Variants in ANK1 observed in about 807,000 individuals in gnomAD.
ANK1 encodes ankyrin 1.
A neutral mutation model predicts 210.4 loss-of-function variants in ANK1; 51 were observed. The ratio of observed to expected loss-of-function variants is 0.24; its 90% CI spans 0.19 to 0.31. The LOEUF (loss-of-function observed/expected upper bound fraction) is 0.31, where lower values mean the gene tolerates loss of function less well. Among genes scored for constraint, ANK1 ranks in the 10% least tolerant of loss-of-function variants. ANK1 has a pLI of 1.00. For missense variants in ANK1, 2,051 were observed against 2,504.4 expected, an observed-to-expected ratio of 0.82 and a Z score of 3.86; for synonymous variants, 967 against 1,025.9, an observed-to-expected ratio of 0.94 and a Z score of 1.10.
chr8:41,723,597 C>G lies in ANK1; in HGVS notation c.748G>C (p.Gly250Arg), dbSNP rs1203474015. The part of the protein sequence containing the change: ...ITPLHIASRR[G>R]NVIMVRLLLD... ...AGCAGCCGCACCATGATCACGTTGC[C>G]CCTGCGGGAGGCGATGTGCAGTGGC... Residue 250 changes from glycine (G) to arginine (R), a missense_variant, in exon 8 of 43, where the codon GGC (glycine) becomes CGC (arginine). By Grantham distance (125) the Gly-to-Arg change is moderately radical. This residue lies in a region of ANK1 where 1,413 missense variants were observed against 1,707.4 expected (regional missense o/e 0.83). Coordinates refer to ENST00000289734, the MANE Select transcript of ANK1 (RefSeq NM_000037.4). 1 of 1,613,830 alleles carries G rather than the reference C, an allele frequency of 6.2e-7. No individual in the cohort carries two copies. Among genetic ancestry groups the G allele is most frequent in the Non-Finnish European group, 8.5e-7 (1 of 1,179,952 alleles).
intron 2 of ANK1, among the ~76,000 whole-genome samples, chr8:41,734,887 T>C (rs982647768): frequency 5.3e-5 from 8 of 152,000 alleles, no homozygotes; most frequent in African/African-American, 1.9e-4. Flanking sequence ...CCAGACCCTG[T>C]CTCAAAAATA....
intron 1 of ANK1, among the ~76,000 whole-genome samples, chr8:41,838,261 C>T (rs1453950819): frequency 2.0e-5 from 3 of 152,164 alleles, no homozygotes; most frequent in Non-Finnish European, 4.4e-5. Context: ...GATCACACAG[C>T]TGGTGTGAGG....
In ANK1 at chr8:41,842,349, T is replaced by C. The variant is rs150363114; in HGVS notation, c.126+54006A>G. On this transcript the variant is annotated intron_variant, in intron 1 of 42. Transcript: ENST00000265709. ...TCTACTAAAAATACAAAAAATTAGC[T>C]GGGCGTGGTGGTGGGCGCCTATAAT... Among the ~76,000 whole-genome samples, 673 of 152,048 alleles carry C rather than the reference T, an allele frequency of 4.4e-3. 3 individuals are homozygous for C. The highest frequency in any genetic ancestry group is 0.027 in the East Asian group (141 of 5,146).
At chr8:41,717,248 C>A (rs1827943842) in intron 12 of ANK1, among the ~76,000 whole-genome samples, 197 bp from the exon 13 acceptor site, 1 of 152,188 alleles carries the variant, frequency 6.6e-6, no homozygotes, top group South Asian at 2.1e-4. Context: ...TGTGTGTGCA[C>A]ATACGTGCAG....
chr8:41,786,002 G>A (rs1271170648), intron 1 of ANK1, among the ~76,000 whole-genome samples: 1 of 152,150 alleles, frequency 6.6e-6, no homozygotes, highest in African/African-American at 2.4e-5. Context: ...GCCCCTTACA[G>A]CCAACTTAAA....
chr8:41,878,383 G>A (rs893049560), intron 1 of ANK1, among the ~76,000 whole-genome samples: 1 of 152,196 alleles, frequency 6.6e-6, no homozygotes, highest in Non-Finnish European at 1.5e-5. Flanking sequence ...GGCAAAGGTG[G>A]AAGGAACAGG....
chr8:41,808,925 TG>T (rs1352664642), intron 1 of ANK1, among the ~76,000 whole-genome samples: 2 of 152,110 alleles, frequency 1.3e-5, no homozygotes, highest in East Asian at 3.8e-4. Flanking sequence ...AGAAAATGAG[TG>T]TTTCTCTGCA....
At chr8:41,675,246 G>A (rs575664708) in intron 37 of ANK1, among the ~76,000 whole-genome samples, 54 of 152,192 alleles carry the variant, frequency 3.5e-4, no homozygotes, top group African/African-American at 1.2e-3. Flanking sequence ...ACAGGTATGC[G>A]CCATGACGCC....
intron 1 of ANK1, among the ~76,000 whole-genome samples, chr8:41,876,085 G>A (rs571734762): frequency 6.6e-6 from 1 of 151,964 alleles, no homozygotes; most frequent in African/African-American, 2.4e-5. Flanking sequence ...CTCGCCTCAC[G>A]CCTCCTGCCC....
chr8:41,867,864 T>C (rs892357163), intron 1 of ANK1, among the ~76,000 whole-genome samples: 1 of 151,990 alleles, frequency 6.6e-6, no homozygotes, highest in Non-Finnish European at 1.5e-5. Context: ...AGCAGGTGTT[T>C]GTTTGTTTGT....
Position 41,672,643 on chromosome 8 carries a change from C to G in ANK1, c.4807G>C (p.Glu1603Gln). The change falls in exon 38 of 43, where the codon GAG becomes CAG. Residue 1603 changes from glutamate to glutamine, a missense_variant. Coordinates refer to ENST00000289734, the MANE Select transcript of ANK1 (RefSeq NM_000037.4). ...CGCGGTTCCTCTGAGAGTGCCCCCT[C>G]CAACTTCCACTCGTGACCTGTGGCA... ...SDATGHEWKL[E>Q]GALSEEPRGP... 6.2e-7 allele frequency: 1 copy of G among 1,614,246 alleles called. No homozygotes were observed.
intron 38 of ANK1, among the ~76,000 whole-genome samples, 155 bp from the exon 39 acceptor site, chr8:41,668,719 CG>C (rs1177847202): frequency 6.6e-6 from 1 of 152,132 alleles, no homozygotes; most frequent in Non-Finnish European, 1.5e-5. Flanking sequence ...AGGTCAGGGG[CG>C]CATGAGCACA....
intron 2 of ANK1, among the ~76,000 whole-genome samples, chr8:41,737,453 C>T (rs1393548767): frequency 6.6e-6 from 1 of 152,162 alleles, no homozygotes; most frequent in African/African-American, 2.4e-5. Flanking sequence ...TTATTCATCA[C>T]TCTGATCTGC....
At chr8:41,716,081 C>T (rs976583979) in intron 13 of ANK1, among the ~76,000 whole-genome samples, 5 of 152,178 alleles carry the variant, frequency 3.3e-5, no homozygotes, top group African/African-American at 1.2e-4. Flanking sequence ...GTTATTTCTA[C>T]CTTATTTCCC....
At chr8:41,858,345 CA>C (rs59851207) in intron 1 of ANK1, among the ~76,000 whole-genome samples, 1,301 of 96,936 alleles carry the variant, frequency 0.013, 11 homozygotes, top group African/African-American at 0.028. Flanking sequence ...GACTCCATCT[CA>C]AAAAAAAAAA....
intron 1 of ANK1, among the ~76,000 whole-genome samples, chr8:41,820,012 T>G (rs769164606): frequency 6.6e-6 from 1 of 152,174 alleles, no homozygotes; most frequent in South Asian, 2.1e-4. Context: ...CTCCTCCTTA[T>G]GACACATGAC....
Position 41,809,370 on chromosome 8 carries a change from A to C in ANK1, c.127-51233T>G, listed in dbSNP as rs946802600. 2.0e-5 allele frequency among the ~76,000 whole-genome samples: 3 copies of C among 152,234 alleles called. No homozygotes were observed. In the East Asian group the frequency reaches 5.8e-4, roughly 29 times the overall value. On this transcript the variant is annotated intron_variant, in intron 1 of 42. Coordinates refer to the ANK1 transcript ENST00000265709. ...TATAATCATCATAGAAATAACGTGG[A>C]GCAATTAGCAAACGCGTCAACATGC...
chr8:41,762,243 G>A (rs1160683595), intron 1 of ANK1, among the ~76,000 whole-genome samples: 1 of 152,106 alleles, frequency 6.6e-6, no homozygotes, highest in Non-Finnish European at 1.5e-5. Context: ...TCTCCCTCTG[G>A]TTTGCTACTT....
chr8:41,810,872 G>A (rs928642157), intron 1 of ANK1, among the ~76,000 whole-genome samples: 3 of 152,240 alleles, frequency 2.0e-5, no homozygotes, highest in Non-Finnish European at 4.4e-5. Flanking sequence ...GGCAGAGGCT[G>A]GGAAACTGAA....
Sources: gnomAD v4.1 joint callset for allele counts (sites outside exome capture counted in the v4.1 genomes callset) on GRCh38, gnomAD v4.1.1 for gene constraint, gnomAD v4.1.1 regional missense constraint, MANE v1.5 for transcripts, NCBI Gene and HGNC (gene_info 2026-07-23, HGNC 2026-07-21) for gene names.